Variants in IFT140 observed in about 807,000 individuals in gnomAD.
IFT140 encodes intraflagellar transport protein 140 homolog.
A neutral mutation model predicts 164.6 loss-of-function variants in IFT140; 133 were observed. The ratio of observed to expected loss-of-function variants is 0.81; its 90% CI spans 0.70 to 0.93. The LOEUF is 0.93. IFT140 is among the 40% of genes least tolerant of loss of function. The probability of loss-of-function intolerance (pLI) is 0.00; values close to 1 mark genes in which losing one functional copy is unlikely to be tolerated. For missense variants in IFT140, 2,045 were observed against 1,972.3 expected (o/e 1.04, Z -0.70); for synonymous variants, 860 against 817.3 (o/e 1.05, Z -0.89).
At chr16:1,568,042 G>A (rs116392339) in intron 15 of IFT140, among the ~76,000 whole-genome samples, 175 bp downstream of exon 15, 2,083 of 152,266 alleles carry the variant, frequency 0.014, 51 homozygotes, top group African/African-American at 0.046. Context: ...GGAGGTTCCC[G>A]GAGAAGGTGG....
chr16:1,586,905 C>T (rs2034915348), intron 9 of IFT140, among the ~76,000 whole-genome samples: 1 of 152,200 alleles, frequency 6.6e-6, no homozygotes, highest in East Asian at 1.9e-4. Context: ...CGGGGTCTCA[C>T]TATGTAGCTC....
In IFT140 at chr16:1,520,728, C is replaced by G; in HGVS notation, c.3534G>C (p.Lys1178Asn). ...EEMAEKMTVA[K>N]DSSDLPEESR... ...ACTCCTCAGGCAGGTCCGAGGAGTC[C>G]TTGGCCACGGTCATCTTTTCCGCCA... Residue 1178 changes from lysine (K) to asparagine (N), a missense_variant, in exon 27 of 31, where the codon AAG becomes AAC. Coordinates refer to ENST00000426508, the MANE Select transcript of IFT140 (RefSeq NM_014714.4). 1 of 1,611,756 alleles carries G rather than the reference C, an allele frequency of 6.2e-7. No individual in the cohort carries two copies. The highest frequency in any genetic ancestry group is 1.1e-5 in the South Asian group (1 of 90,948).
At chr16:1,570,781 G>C (rs1224969743) in intron 14 of IFT140, among the ~76,000 whole-genome samples, 5 of 151,990 alleles carry the variant, frequency 3.3e-5, no homozygotes, top group Non-Finnish European at 7.4e-5. Flanking sequence ...TTTGAGACAG[G>C]GTCTCACTCT....
Position 1,533,304 on chromosome 16 carries a change from G to A in IFT140, c.2400-6508C>T, listed in dbSNP as rs1302033072. On this transcript the variant is annotated intron_variant, in intron 19 of 30. Coordinates refer to ENST00000426508, the MANE Select transcript of IFT140 (RefSeq NM_014714.4). The surrounding 1 kb of genome is among the most constrained non-coding windows in gnomAD (Gnocchi z 4.7). ...GGAACACACGGGCGGGGGGAGGCTT[G>A]TGGTTCCTATGGTCCTGGGGGTACC... 6.6e-6 allele frequency: 1 copy of A among 151,936 alleles called. No individual in the cohort carries two copies. The highest frequency in any genetic ancestry group is 2.4e-5 in the African/African-American group (1 of 41,298). 9.4% of individuals were successfully genotyped at this position (151,936 alleles called of 1,614,324 possible).
rs1396499118 is a variant in IFT140 at position 1,526,023 on chromosome 16, A to T, written c.2632T>A (p.Phe878Ile). 3.7e-6 allele frequency: 6 copies of T among 1,602,068 alleles called. No homozygotes were observed. Among genetic ancestry groups the T allele is most frequent in the Middle Eastern group, 1.7e-4 (1 of 6,010 alleles). Residue 878 changes from phenylalanine (F) to isoleucine (I), a missense_variant, in exon 21 of 31, where the codon TTC (phenylalanine) becomes ATC (isoleucine). Physicochemically the swap from Phe to Ile is conservative, Grantham distance 21. Coordinates refer to ENST00000426508, the MANE Select transcript of IFT140 (RefSeq NM_014714.4). ...TGCCACCGGCCCGCAGCCTGGTAGA[A>T]CTTGTTCAGGAGGTCGTGGCGCTTG... ...KCKRHDLLNKFYQAAGRWQEA... is the reference protein window; with the variant it reads ...KCKRHDLLNKIYQAAGRWQEA...
chr16:1,571,621 T>A, intron 13 of IFT140, 87 bp from the exon 14 acceptor site: 1 of 1,350,822 alleles, frequency 7.4e-7, no homozygotes, highest in East Asian at 2.3e-5. Flanking sequence ...AAGAAATGGA[T>A]ATATTTCATG....
rs1164280221 is a variant in IFT140 at position 1,591,386 on chromosome 16, G to A, written c.634+790C>T. On this transcript the variant is annotated intron_variant, in intron 6 of 30. Coordinates refer to ENST00000426508, the MANE Select transcript of IFT140 (RefSeq NM_014714.4). ...GCTCTATGTCTTCACCTTCTAAAATGAAAGATTTCCCTTATTTAAAAATTA... is the reference window on the plus strand; with the variant it reads ...GCTCTATGTCTTCACCTTCTAAAATAAAAGATTTCCCTTATTTAAAAATTA... Among the ~76,000 whole-genome samples the A allele has an allele frequency of 4.6e-5, 7 of 152,270 alleles. No individual in the cohort carries two copies. The South Asian group carries it at 1.2e-3, about 27-fold the overall frequency.
At chr16:1,521,910 T>C (rs1178917404) in intron 26 of IFT140, among the ~76,000 whole-genome samples, 1 of 144,994 alleles carries the variant, frequency 6.9e-6, no homozygotes, top group East Asian at 2.0e-4. Context: ...AATAACACAT[T>C]TATATTTAAA....
chr16:1,607,404 G>C, intron 2 of IFT140, 107 bp from the exon 3 acceptor site: 1 of 988,574 alleles, frequency 1.0e-6, no homozygotes. Flanking sequence ...ACCATCGGAA[G>C]ACCATCGGCA....
At chr16:1,519,669 C>T (rs1050800601) in intron 29 of IFT140, among the ~76,000 whole-genome samples, 3 of 152,328 alleles carry the variant, frequency 2.0e-5, no homozygotes, top group South Asian at 2.1e-4. Context: ...TCTCTCTCAG[C>T]GTCTCTGGTG....
chr16:1,594,694 G>C (rs1422057355), intron 4 of IFT140, among the ~76,000 whole-genome samples: 2 of 152,240 alleles, frequency 1.3e-5, no homozygotes, highest in African/African-American at 4.8e-5. Context: ...TGGAGTTCGG[G>C]AAGGGGAGGA....
chr16:1,585,770 T>TC (rs2034838284), intron 10 of IFT140, among the ~76,000 whole-genome samples: 1 of 144,376 alleles, frequency 6.9e-6, no homozygotes, highest in African/African-American at 2.6e-5. Context: ...CACTTTCTTT[T>TC]TTTTTTTTTT....
intron 18 of IFT140, among the ~76,000 whole-genome samples, chr16:1,561,751 G>T (rs2033420346): frequency 6.6e-6 from 1 of 152,214 alleles, no homozygotes. Context: ...ATTAGCACGA[G>T]TTCTCTCTAT....
At chr16:1,524,054 C>T (rs1350834412) in intron 24 of IFT140, 98 bp from the exon 25 acceptor site, 34 of 1,439,678 alleles carry the variant, frequency 2.4e-5, no homozygotes, top group Admixed American at 4.2e-5. Context: ...CGCCCCTTCA[C>T]TTTGACACAC....
At chr16:1,594,155 C>T (rs2035332616) in intron 4 of IFT140, among the ~76,000 whole-genome samples, 1 of 152,166 alleles carries the variant, frequency 6.6e-6, no homozygotes, top group South Asian at 2.1e-4. Flanking sequence ...CCCCCATTAC[C>T]TGGGTTTGGT....
chr16:1,525,414 G>A (rs1257660150), intron 21 of IFT140, 88 bp from the exon 22 acceptor site: 9 of 980,712 alleles, frequency 9.2e-6, no homozygotes, highest in East Asian at 4.8e-5. Flanking sequence ...TCGGTGAAAC[G>A]CATCAGAGCG....
chr16:1,593,103 A>G (rs953005734), intron 4 of IFT140, among the ~76,000 whole-genome samples: 1 of 152,234 alleles, frequency 6.6e-6, no homozygotes, highest in Non-Finnish European at 1.5e-5. Context: ...GTCCTGGCAG[A>G]GTGACTGGTG....
intron 19 of IFT140, among the ~76,000 whole-genome samples, chr16:1,544,883 T>C (rs377188069): frequency 2.0e-3 from 305 of 149,260 alleles, no homozygotes; most frequent in Non-Finnish European, 3.1e-3. Flanking sequence ...CTCCTGACCT[T>C]GTGATCCGCC....
rs367755954 is a variant in IFT140 at position 1,534,578 on chromosome 16, T to C, written c.2400-7782A>G. On this transcript the variant is annotated intron_variant, in intron 19 of 30. Coordinates refer to ENST00000426508, the MANE Select transcript of IFT140 (RefSeq NM_014714.4). ...AACGTAAGTCCAATTGTTTTCCTGATGCCTTCAGCGTGGCCGAGGCTCGAG... is the reference window on the plus strand; with the variant it reads ...AACGTAAGTCCAATTGTTTTCCTGACGCCTTCAGCGTGGCCGAGGCTCGAG... 1.1e-4 allele frequency: 183 copies of C among 1,598,288 alleles called. 1 individual carries two copies. The highest frequency in any genetic ancestry group is 1.5e-4 in the Non-Finnish European group (174 of 1,179,568).
Sources: allele counts gnomAD v4.1 joint callset (sites outside exome capture counted in the v4.1 genomes callset), GRCh38; gene constraint gnomAD v4.1.1; non-coding constraint Gnocchi (gnomAD v3.1); transcripts MANE v1.5; gene names NCBI Gene and HGNC (gene_info 2026-07-23, HGNC 2026-07-21).